Variants in RSPH14 observed in about 807,000 individuals in gnomAD.
RSPH14 encodes the protein rhabdoid tumor deletion region gene 1.
A neutral mutation model predicts 26.7 loss-of-function variants in RSPH14; 20 were observed. The ratio of observed to expected loss-of-function variants is 0.75; its 90% CI spans 0.53 to 1.09. The LOEUF is 1.09. Among genes scored for constraint, RSPH14 ranks in the 50% least tolerant of loss-of-function variants. RSPH14 has a pLI of 0.00. For missense variants in RSPH14, 449 were observed against 457.2 expected (o/e 0.98, Z 0.16); for synonymous variants, 177 against 189.3 (o/e 0.93, Z 0.53).
chr22:23,143,100 G>A (rs1338940040), upstream of RSPH14, among the ~76,000 whole-genome samples: 1 of 152,078 alleles, frequency 6.6e-6, no homozygotes, highest in Non-Finnish European at 1.5e-5. Context: ...ACCATTTTGA[G>A]TGGACAACAT....
intron 4 of RSPH14, among the ~76,000 whole-genome samples, chr22:23,119,773 G>A (rs1394419926): frequency 1.3e-5 from 2 of 152,208 alleles, no homozygotes; most frequent in African/African-American, 4.8e-5. Flanking sequence ...TATGTGGTTG[G>A]TGCCTCCTGC....
At chr22:23,157,521 A>G in the RSPH14 span, among the ~76,000 whole-genome samples, 4 of 152,076 alleles carry the variant, frequency 2.6e-5, no homozygotes, top group Admixed American at 6.5e-5. Flanking sequence ...AGCCTCCCAA[A>G]GTGCTGGAAT....
the RSPH14 span, among the ~76,000 whole-genome samples, chr22:23,150,959 G>T: frequency 1.3e-5 from 2 of 152,214 alleles, no homozygotes; most frequent in Non-Finnish European, 1.5e-5. Flanking sequence ...TCTTCCTGCC[G>T]CGGCAGCTCC....
chr22:23,059,864 C>G, intron 6 of RSPH14, 146 bp from the exon 7 acceptor site: 1 of 875,096 alleles, frequency 1.1e-6, no homozygotes, highest in Non-Finnish European at 1.6e-6. Context: ...TGCCCTCACC[C>G]TCAGGGCTCT....
At position 23,059,447 on chromosome 22, in the gene RSPH14, A is replaced by G. The variant is rs1372305129; in HGVS notation, c.*15T>C. The G allele has an allele frequency of 2.5e-6, 4 of 1,582,370 alleles. No homozygotes were observed. Among genetic ancestry groups the G allele is most frequent in the Non-Finnish European group, 3.4e-6 (4 of 1,160,276 alleles). Reference sequence around the variant, plus strand: ...ACTTAGCACATTTATTCACTCACAGAGGTGAATGAAGGGCTCAGGGTTTGA... The same window carrying G: ...ACTTAGCACATTTATTCACTCACAGGGGTGAATGAAGGGCTCAGGGTTTGA... On this transcript the variant is annotated 3_prime_UTR_variant, in exon 7 of 7. Coordinates refer to ENST00000216036, the MANE Select transcript of RSPH14 (RefSeq NM_014433.3).
At chr22:23,145,883 AG>A (rs2070742427), upstream of RSPH14, 1 of 729,724 alleles carries the variant, frequency 1.4e-6, no homozygotes, top group Non-Finnish European at 1.7e-6. Flanking sequence ...TGGTGAAGTG[AG>A]GGTTTTCAGG....
At chr22:23,173,045 T>A in the RSPH14 span, among the ~76,000 whole-genome samples, 3 of 152,110 alleles carry the variant, frequency 2.0e-5, no homozygotes, top group Non-Finnish European at 4.4e-5. Context: ...TTAAGTTTCC[T>A]CCATGTTTTT....
At chr22:23,169,829 G>A in the RSPH14 span, among the ~76,000 whole-genome samples, 2 of 152,130 alleles carry the variant, frequency 1.3e-5, no homozygotes. Flanking sequence ...TTGGCTGGGT[G>A]CGGTGGTGCA....
chr22:23,120,839 CAG>C (rs1257537947), intron 4 of RSPH14, among the ~76,000 whole-genome samples: 3 of 152,192 alleles, frequency 2.0e-5, no homozygotes, highest in African/African-American at 4.8e-5. Context: ...GATGTGGACT[CAG>C]GGCGCGCTCA....
chr22:23,149,530 C>T (rs1458121247), upstream of RSPH14, among the ~76,000 whole-genome samples: 1 of 152,144 alleles, frequency 6.6e-6, no homozygotes, highest in Non-Finnish European at 1.5e-5. Flanking sequence ...AAAATGTCAT[C>T]AGAGATTCAT....
intron 4 of RSPH14, among the ~76,000 whole-genome samples, chr22:23,115,565 C>G (rs1188880628): frequency 6.6e-6 from 1 of 152,074 alleles, no homozygotes; most frequent in East Asian, 1.9e-4. Context: ...CAGAACATAC[C>G]CCTTCCTAGA....
At chr22:23,153,658 C>A in the RSPH14 span, 1 of 981,724 alleles carries the variant, frequency 1.0e-6, no homozygotes, top group Non-Finnish European at 1.2e-6. Flanking sequence ...GCCTTCACTC[C>A]CTCTCCCCAG....
At chr22:23,074,360 T>C (rs2068456441) in intron 4 of RSPH14, among the ~76,000 whole-genome samples, 1 of 152,192 alleles carries the variant, frequency 6.6e-6, no homozygotes, top group South Asian at 2.1e-4. Flanking sequence ...ATTTGTTTTT[T>C]TAAAGCTGCA....
At chr22:23,160,862 G>A in the RSPH14 span, 2 of 1,611,096 alleles carry the variant, frequency 1.2e-6, no homozygotes, top group Non-Finnish European at 1.7e-6. Context: ...GGTCCCGGCT[G>A]TCTTGTGGGC....
At chr22:23,145,527 GC>G, upstream of RSPH14, 1 of 1,603,402 alleles carries the variant, frequency 6.2e-7, no homozygotes. Context: ...GCCGCGCGGA[GC>G]CCCAGCTTTC....
the RSPH14 span, chr22:23,160,979 C>G: frequency 6.2e-7 from 1 of 1,612,152 alleles, no homozygotes; most frequent in Non-Finnish European, 8.5e-7. Context: ...GGCTCCAGGT[C>G]GGCAATGGAG....
intron 4 of RSPH14, among the ~76,000 whole-genome samples, chr22:23,067,441 G>C (rs1405528943): frequency 6.6e-6 from 1 of 152,200 alleles, no homozygotes; most frequent in Non-Finnish European, 1.5e-5. Context: ...CCTGTTAGGG[G>C]ACTGCACATC....
At chr22:23,158,022 T>C in the RSPH14 span, 1 of 1,614,066 alleles carries the variant, frequency 6.2e-7, no homozygotes, top group African/African-American at 1.3e-5. Flanking sequence ...CTCACTGACG[T>C]GCAGACCCTG....
Position 23,063,973 on chromosome 22 carries a change from G to A in RSPH14, c.582C>T (p.Val194=). Residue 194 remains valine (V), a synonymous_variant, in exon 5 of 7, where the codon GTC becomes GTT. Coordinates refer to ENST00000216036, the MANE Select transcript of RSPH14 (RefSeq NM_014433.3). ...TGGCGCTGAGGAGCTTCTGCTTCAG[G>A]ACAAGCACCACATTGCTGCCCAGGG... The part of the protein sequence containing the change: ...TEALGSNVVL[V]LKQKLLSANQ... The A allele has an allele frequency of 1.9e-6, 3 of 1,614,192 alleles. No individual in the cohort carries two copies. Among genetic ancestry groups the A allele is most frequent in the Non-Finnish European group, 2.5e-6 (3 of 1,180,026 alleles).
Sources: gnomAD v4.1 joint callset for allele counts (sites outside exome capture counted in the v4.1 genomes callset) on GRCh38, gnomAD v4.1.1 for gene constraint, MANE v1.5 for transcripts, NCBI Gene and HGNC (gene_info 2026-07-23, HGNC 2026-07-21) for gene names.